The following MTAP variants were observed in gnomAD, a reference collection of about 807,000 sequenced individuals.
The protein encoded by MTAP is S-methyl-5'-thioadenosine phosphorylase.
A neutral mutation model predicts 33.6 loss-of-function variants in MTAP; 33 were observed. The observed-to-expected ratio is 0.98, with a 90% CI of 0.74 to 1.31. The LOEUF (loss-of-function observed/expected upper bound fraction) is 1.31. MTAP is among the 40% of genes most tolerant of loss of function. The probability of loss-of-function intolerance (pLI) is 0.00; values close to 1 mark genes in which losing one functional copy is unlikely to be tolerated. For missense variants in MTAP, 367 were observed against 360.0 expected (o/e 1.02, Z -0.16); for synonymous variants, 148 against 125.7 (o/e 1.18, Z -1.19).
chr9:21,883,173 C>T (rs1348038929), intron 1 of MTAP, among the ~76,000 whole-genome samples: 1 of 148,284 alleles, frequency 6.7e-6, no homozygotes, highest in Non-Finnish European at 1.5e-5. Context: ...AACACCCTAA[C>T]AAATCACTGA....
In MTAP at chr9:21,863,423, C is replaced by T. The variant is rs1168333418; in HGVS notation, c.*1409C>T. The T allele has an allele frequency of 1.4e-5, 9 of 658,548 alleles. No homozygotes were observed. Among genetic ancestry groups the T allele is most frequent in the South Asian group, 1.4e-4 (2 of 14,752 alleles). The allele number at this position is 658,548 out of a possible 1,614,324, so 40.8% of individuals were successfully genotyped here. On this transcript the variant is annotated 3_prime_UTR_variant, in exon 8 of 8. Coordinates refer to ENST00000644715, the MANE Select transcript of MTAP (RefSeq NM_002451.4). ...GAGATCGAGACCATCCTGGCTAATG[C>T]GTTGAAACTCCGTCTCTACTAAAAA...
intron 1 of MTAP, among the ~76,000 whole-genome samples, chr9:21,815,157 A>G (rs1824444719): frequency 6.6e-6 from 1 of 152,328 alleles, no homozygotes; most frequent in South Asian, 2.1e-4. Flanking sequence ...GCTGACTTGT[A>G]ATTCAGACAG....
rs1563848128 is a variant in MTAP at position 21,854,827 on chromosome 9, CCATGG to C, written c.649_653del (p.Met217AspfsTer4). On this transcript the variant is annotated frameshift_variant, in exon 6 of 8. Coordinates refer to ENST00000644715, the MANE Select transcript of MTAP (RefSeq NM_002451.4). LOFTEE classifies it high-confidence loss of function. ...GCTGGAATTTGTTACGCAAGTATCGCCATGGCGACAGATTATGACTGCTGGAAGGA... is the reference window on the plus strand; with the variant it reads ...GCTGGAATTTGTTACGCAAGTATCGCCGACAGATTATGACTGCTGGAAGGA... The C allele has an allele frequency of 6.2e-7, 1 of 1,614,128 alleles. No homozygotes were observed. Among genetic ancestry groups the C allele is most frequent in the South Asian group, 1.1e-5 (1 of 91,082 alleles).
At chr9:21,914,019 CAT>C (rs1275301316) in intron 1 of MTAP, among the ~76,000 whole-genome samples, 1 of 152,124 alleles carries the variant, frequency 6.6e-6, no homozygotes, top group African/African-American at 2.4e-5. Context: ...AGCCAACAGA[CAT>C]ATGAAAAAAT....
chr9:21,886,069 A>G (rs1818104736), intron 1 of MTAP, among the ~76,000 whole-genome samples: 1 of 151,426 alleles, frequency 6.6e-6, no homozygotes, highest in East Asian at 1.9e-4. Context: ...ACTAGTTTAC[A>G]TGCCCACCAG....
At position 21,915,084 on chromosome 9, in the gene MTAP, C is replaced by CTTT. The variant is rs369342496; in HGVS notation, c.148-15924_148-15923insTTT. On this transcript the variant is annotated intron_variant, in intron 1 of 1. Coordinates refer to the MTAP transcript ENST00000577563. ...TCTTTCTTTCTTTCTTTCTTTCTTT[C>CTTT]CTTTCTTTCTTTTCTTTCGGCAGAG... Among the ~76,000 whole-genome samples, 184 of 72,220 alleles carry CTTT rather than the reference C, an allele frequency of 2.5e-3. 11 individuals are homozygous for CTTT. The highest frequency in any genetic ancestry group is 0.014 in the African/African-American group (128 of 9,448). The allele number at this position is 72,220 out of a possible 152,430, so 47.4% of individuals were successfully genotyped here.
chr9:21,804,230 G>T (rs1194732571), intron 1 of MTAP, among the ~76,000 whole-genome samples: 1 of 152,162 alleles, frequency 6.6e-6, no homozygotes, highest in Non-Finnish European at 1.5e-5. Context: ...AATTTTGAAT[G>T]ATCTTTTCCC....
At chr9:21,827,483 T>A (rs1253624915) in intron 4 of MTAP, among the ~76,000 whole-genome samples, 1 of 152,220 alleles carries the variant, frequency 6.6e-6, no homozygotes, top group Non-Finnish European at 1.5e-5. Flanking sequence ...ATTCTGTAGG[T>A]CAGAAATGGT....
intron 5 of MTAP, among the ~76,000 whole-genome samples, chr9:21,853,817 A>AT (rs1291547007): frequency 2.6e-5 from 4 of 152,232 alleles, no homozygotes; most frequent in Non-Finnish European, 5.9e-5. Flanking sequence ...AAACTAAGGC[A>AT]TACAGAGATG....
chr9:21,829,985 A>C (rs926146009), intron 4 of MTAP, among the ~76,000 whole-genome samples: 2 of 152,162 alleles, frequency 1.3e-5, no homozygotes, highest in Non-Finnish European at 2.9e-5. Flanking sequence ...AAGCCTGGGC[A>C]TAAGAAAAGG....
intron 1 of MTAP, among the ~76,000 whole-genome samples, chr9:21,888,187 C>T (rs1343478680): frequency 1.3e-5 from 2 of 151,984 alleles, no homozygotes; most frequent in Non-Finnish European, 2.9e-5. Context: ...TGAAAGAGTA[C>T]TTGATATAAT....
rs751428352 is a variant in MTAP, at chr9:21,837,989, G to A, written c.429G>A (p.Pro143=). ...RGVCHIPMAE[P]FCPKTREVLI... ...TGTGCCATATTCCAATGGCTGAGCCGTTTTGCCCCAAAACGAGAGAGGTGT... is the reference window on the plus strand; with the variant it reads ...TGTGCCATATTCCAATGGCTGAGCCATTTTGCCCCAAAACGAGAGAGGTGT... Residue 143 remains proline (P), a synonymous_variant, in exon 5 of 8, where the codon CCG becomes CCA. Coordinates refer to ENST00000644715, the MANE Select transcript of MTAP (RefSeq NM_002451.4). The A allele has an allele frequency of 1.4e-5, 22 of 1,613,948 alleles. No homozygotes were observed. In the East Asian group the frequency reaches 3.6e-4, roughly 26 times the overall value.
intron 6 of MTAP, among the ~76,000 whole-genome samples, chr9:21,855,907 C>A (rs1303014992): frequency 2.0e-5 from 3 of 152,148 alleles, no homozygotes; most frequent in Non-Finnish European, 4.4e-5. Context: ...ACCATGCCAT[C>A]ATTGTACAAA....
chr9:21,823,051 C>G (rs1181368773), intron 4 of MTAP, among the ~76,000 whole-genome samples: 1 of 152,198 alleles, frequency 6.6e-6, no homozygotes. Flanking sequence ...CTCCTGAATA[C>G]AGCACACTGA....
intron 1 of MTAP, among the ~76,000 whole-genome samples, chr9:21,908,885 A>T (rs1316506510): frequency 2.6e-5 from 4 of 151,974 alleles, no homozygotes; most frequent in Admixed American, 6.6e-5. Context: ...TGAAATATGG[A>T]AGTCTCATCT....
At chr9:21,806,395 G>A (rs751467678) in intron 1 of MTAP, among the ~76,000 whole-genome samples, 3 of 151,846 alleles carry the variant, frequency 2.0e-5, no homozygotes, top group South Asian at 2.1e-4. Context: ...CAAAGTGGGC[G>A]ATAAGGGGCC....
At chr9:21,901,662 T>G (rs1818394986) in intron 1 of MTAP, among the ~76,000 whole-genome samples, 2 of 152,054 alleles carry the variant, frequency 1.3e-5, no homozygotes, top group South Asian at 4.1e-4. Context: ...TAAAAAAGGT[T>G]AGTAGCAGCT....
chr9:21,916,186 A>C (rs1372566507), intron 1 of MTAP, among the ~76,000 whole-genome samples: 1 of 152,088 alleles, frequency 6.6e-6, no homozygotes, highest in East Asian at 1.9e-4. Context: ...TTCCCTCCAA[A>C]ATTCATGTAT....
chr9:21,911,986 G>A (rs960245843), intron 1 of MTAP, among the ~76,000 whole-genome samples: 7 of 152,158 alleles, frequency 4.6e-5, no homozygotes, highest in African/African-American at 1.7e-4. Context: ...ACTACCATCA[G>A]AGAATACTAT....
Sources: gnomAD v4.1 joint callset for allele counts (sites outside exome capture counted in the v4.1 genomes callset) on GRCh38, gnomAD v4.1.1 for gene constraint, MANE v1.5 for transcripts, NCBI Gene and HGNC (gene_info 2026-07-23, HGNC 2026-07-21) for gene names.